Variants in MYRIP observed in about 807,000 individuals in gnomAD.
The protein encoded by MYRIP is rab effector MyRIP.
A neutral mutation model predicts 98.0 loss-of-function variants in MYRIP; 49 were observed. The ratio of observed to expected loss-of-function variants is 0.50; its 90% confidence interval spans 0.40 to 0.63. MYRIP has a LOEUF of 0.63. Among genes scored for constraint, MYRIP ranks in the 30% least tolerant of loss-of-function variants. The probability of loss-of-function intolerance (pLI) is 0.00; values close to 1 mark genes in which losing one functional copy is unlikely to be tolerated. For synonymous variants in MYRIP, 404 were observed against 409.5 expected, an observed-to-expected ratio of 0.99 and a Z score of 0.16; for missense variants, 1,004 against 1,058.2, an observed-to-expected ratio of 0.95 and a Z score of 0.71.
chr3:39,975,043 A>C (rs1945709882), intron 2 of MYRIP, among the ~76,000 whole-genome samples: 1 of 152,226 alleles, frequency 6.6e-6, no homozygotes, highest in Non-Finnish European at 1.5e-5. Flanking sequence ...AGTTCTGGCC[A>C]GGGCAATCAG....
intron 3 of MYRIP, among the ~76,000 whole-genome samples, chr3:40,096,048 C>T (rs1948825817): frequency 6.6e-6 from 1 of 151,818 alleles, no homozygotes; most frequent in Admixed American, 6.6e-5. Context: ...CCCCCTCCCC[C>T]AGACTCCAGC....
intron 2 of MYRIP, among the ~76,000 whole-genome samples, chr3:40,032,170 G>C (rs1370437902): frequency 6.6e-6 from 1 of 152,074 alleles, no homozygotes; most frequent in Non-Finnish European, 1.5e-5. Flanking sequence ...ATGTGTCCCA[G>C]AGATTCTGGT....
At chr3:40,009,237 C>CTTTTT (rs553315704) in intron 2 of MYRIP, among the ~76,000 whole-genome samples, 7 of 139,232 alleles carry the variant, frequency 5.0e-5, no homozygotes, top group Admixed American at 1.4e-4. Context: ...ACTGCTACTT[C>CTTTTT]TTTTTTTTTT....
chr3:39,874,824 C>A (rs12634298), intron 1 of MYRIP, among the ~76,000 whole-genome samples: 23,979 of 151,864 alleles, frequency 0.16, 3,465 homozygotes, highest in African/African-American at 0.38. Context: ...TGTCTCTGCC[C>A]GGCTTTGGTA....
chr3:40,235,350 T>C (rs765155489), intron 12 of MYRIP, among the ~76,000 whole-genome samples: 2 of 152,206 alleles, frequency 1.3e-5, no homozygotes, highest in African/African-American at 4.8e-5. Flanking sequence ...TTTAGCATAA[T>C]GCTTGAAAAA....
At chr3:39,994,619 A>G (rs958357644) in intron 2 of MYRIP, among the ~76,000 whole-genome samples, 15 of 152,256 alleles carry the variant, frequency 9.9e-5, no homozygotes, top group African/African-American at 3.6e-4. Flanking sequence ...GGGGCAGGGC[A>G]TAGCCAAACA....
Position 40,218,110 on chromosome 3 carries a change from A to G in MYRIP, c.1905+8017A>G, listed in dbSNP as rs140163148. On this transcript the variant is annotated intron_variant, in intron 11 of 16. Coordinates refer to ENST00000302541, the MANE Select transcript of MYRIP (RefSeq NM_015460.4). ...ACACAGCACTGAACATACACTTGGC[A>G]TATAACCCAACAATTCTACTCCTAA... Among the ~76,000 whole-genome samples the G allele has an allele frequency of 2.7e-3, 405 of 152,256 alleles. 3 individuals are homozygous for G. Among genetic ancestry groups the G allele is most frequent in the African/African-American group, 9.2e-3 (383 of 41,552 alleles).
intron 4 of MYRIP, among the ~76,000 whole-genome samples, chr3:40,160,645 G>C (rs1467799001): frequency 6.6e-6 from 1 of 152,198 alleles, no homozygotes; most frequent in Non-Finnish European, 1.5e-5. Context: ...CAATCAGCGA[G>C]ACTCCGTGGG....
chr3:40,002,548 G>T (rs1230694999), intron 2 of MYRIP, among the ~76,000 whole-genome samples: 1 of 150,248 alleles, frequency 6.7e-6, no homozygotes, highest in African/African-American at 2.4e-5. Flanking sequence ...AAAAAAAAAA[G>T]AAAATATTGA....
intron 2 of MYRIP, among the ~76,000 whole-genome samples, chr3:39,948,111 C>T (rs1944939373): frequency 6.6e-6 from 1 of 152,046 alleles, no homozygotes; most frequent in African/African-American, 2.4e-5. Context: ...TATAAATTTT[C>T]TGGGGAGAGG....
intron 2 of MYRIP, among the ~76,000 whole-genome samples, chr3:39,923,234 T>C (rs1168561316): frequency 6.6e-6 from 1 of 151,966 alleles, no homozygotes. Context: ...ATTTATATTA[T>C]TAGAGTTACA....
intron 3 of MYRIP, among the ~76,000 whole-genome samples, chr3:40,089,651 T>C (rs1205019607): frequency 6.6e-6 from 1 of 152,204 alleles, no homozygotes. Flanking sequence ...GACATGAGAC[T>C]TTCTAGAATG....
chr3:40,085,936 A>G lies in MYRIP; in HGVS notation c.332+41665A>G, dbSNP rs566255002. On this transcript the variant is annotated intron_variant, in intron 3 of 16. Transcript: ENST00000302541. Reference sequence around the variant, plus strand: ...ACCTAAATGAAAATAAGGTTTTCATACTTCACTCAAAGTGGAAAAATGTAC... The same window carrying G: ...ACCTAAATGAAAATAAGGTTTTCATGCTTCACTCAAAGTGGAAAAATGTAC... 9.2e-5 allele frequency among the ~76,000 whole-genome samples: 14 copies of G among 152,352 alleles called. No homozygotes were observed. The South Asian group carries it at 2.9e-3, about 32-fold the overall frequency.
intron 1 of MYRIP, among the ~76,000 whole-genome samples, chr3:39,889,063 A>G (rs1219704347): frequency 6.6e-6 from 1 of 151,942 alleles, no homozygotes; most frequent in Non-Finnish European, 1.5e-5. Context: ...AAATAGGAAC[A>G]CTTTTACACT....
intron 5 of MYRIP, among the ~76,000 whole-genome samples, chr3:40,164,989 G>T (rs984077453): frequency 2.0e-5 from 3 of 152,202 alleles, no homozygotes; most frequent in Non-Finnish European, 4.4e-5. Flanking sequence ...GGCCATCACA[G>T]AGCCTAGCAC....
At chr3:39,891,357 T>C (rs1256982438) in intron 1 of MYRIP, among the ~76,000 whole-genome samples, 1 of 152,162 alleles carries the variant, frequency 6.6e-6, no homozygotes. Flanking sequence ...CTTTTAACTA[T>C]GTATAATGAG....
intron 4 of MYRIP, among the ~76,000 whole-genome samples, chr3:40,154,636 CA>C (rs1950183246): frequency 6.6e-6 from 1 of 152,068 alleles, no homozygotes; most frequent in Non-Finnish European, 1.5e-5. Flanking sequence ...TGGTTTTCTG[CA>C]CCTATCAACC....
At chr3:40,005,189 G>C (rs527510106) in intron 2 of MYRIP, among the ~76,000 whole-genome samples, 2 of 152,218 alleles carry the variant, frequency 1.3e-5, no homozygotes, top group African/African-American at 4.8e-5. Context: ...CCACTGATGG[G>C]CACCTAGATT....
chr3:40,009,372 G>A (rs552902807), intron 2 of MYRIP, among the ~76,000 whole-genome samples: 1 of 152,134 alleles, frequency 6.6e-6, no homozygotes, highest in South Asian at 2.1e-4. Flanking sequence ...GAGTAGCTGG[G>A]ACTCCAGGCA....
Sources: gnomAD v4.1 joint callset for allele counts (sites outside exome capture counted in the v4.1 genomes callset) on GRCh38, gnomAD v4.1.1 for gene constraint, MANE v1.5 for transcripts, NCBI Gene and HGNC (gene_info 2026-07-23, HGNC 2026-07-21) for gene names.